EME1: variants seen among roughly 807,000 people sequenced by gnomAD.
EME1 encodes the protein structure-specific endonuclease subunit EME1.
EME1 carries 61 observed loss-of-function variants against 59.1 expected under a neutral mutation model. The ratio of observed to expected loss-of-function variants is 1.03; its 90% confidence interval spans 0.84 to 1.28. The LOEUF is 1.28. Ranked by LOEUF, EME1 falls within the 50% of genes most tolerant of loss-of-function variation. EME1 has a pLI of 0.00. For missense variants in EME1, 635 were observed against 682.6 expected (o/e 0.93, Z 0.78); for synonymous variants, 230 against 254.2 (o/e 0.90, Z 0.90).
intron 1 of EME1, among the ~76,000 whole-genome samples, chr17:50,373,773 C>T (rs1913283634): frequency 6.6e-6 from 1 of 152,102 alleles, no homozygotes; most frequent in Admixed American, 6.5e-5. Context: ...AACATACCCC[C>T]ACAAAAACTT....
chr17:50,375,938 AG>A lies in EME1; in HGVS notation c.732del (p.Arg244SerfsTer6), dbSNP rs781613632. 3.7e-6 allele frequency: 6 copies of A among 1,611,070 alleles called. 1 individual carries two copies. The highest frequency in any genetic ancestry group is 3.3e-5 in the South Asian group (3 of 90,814). ...AALVTRMKAQ[R>X]PEECLKHIIV... is the part of the protein sequence containing the mutation. ...ACTGGTTACCAGGATGAAAGCCCAG[AG>A]GCCAGAGGAATGCTTAAAACACATC... On this transcript the variant is annotated frameshift_variant, in exon 2 of 9. Coordinates refer to ENST00000338165, the MANE Select transcript of EME1 (RefSeq NM_152463.4). LOFTEE classifies it high-confidence loss of function.
intron 5 of EME1, 27 bp downstream of exon 5, chr17:50,378,922 G>T: frequency 6.2e-7 from 1 of 1,614,118 alleles, no homozygotes; most frequent in Non-Finnish European, 8.5e-7. Context: ...GTGATTTCAT[G>T]TTAAAAGGGG....
intron 3 of EME1, among the ~76,000 whole-genome samples, chr17:50,376,950 A>G (rs1474127683): frequency 1.3e-5 from 2 of 152,106 alleles, no homozygotes; most frequent in Non-Finnish European, 2.9e-5. Context: ...GGGTTTTGCC[A>G]TGTTGCCCAG....
rs776348150 is a variant in EME1, at chr17:50,380,817, C to G, written c.1591C>G (p.Gln531Glu). 6.2e-6 allele frequency: 10 copies of G among 1,614,116 alleles called. No homozygotes were observed. In the Admixed American group the frequency reaches 1.7e-4, roughly 27 times the overall value. ...ACGCCAGAATTTGCTCGCAGACATA[C>G]AGGTGCGCCGTGGGGAAGGTGTGAC... The part of the protein sequence containing the change: ...KERQNLLADI[Q>E]VRRGEGVTST... Residue 531 changes from glutamine (Q) to glutamate (E), a missense_variant, in exon 9 of 9, where the codon CAG becomes GAG. Physicochemically the swap from Gln to Glu is conservative, Grantham distance 29. Coordinates refer to ENST00000338165, the MANE Select transcript of EME1 (RefSeq NM_152463.4).
rs568424837 is a variant in EME1 at position 50,380,928 on chromosome 17, A to C, written c.1702A>C (p.Ser568Arg). Residue 568 changes from serine to arginine, a missense_variant, in exon 9 of 9, where the codon AGT becomes CGT. Transcript: ENST00000338165. ...TTLQPHLSLD[S>R]AD ...TTTACAGCCACATCTCTCTTTAGATAGTGCTGACTGATTCTAGCCCTCAGG... is the reference window on the plus strand; with the variant it reads ...TTTACAGCCACATCTCTCTTTAGATCGTGCTGACTGATTCTAGCCCTCAGG... The C allele has an allele frequency of 5.6e-6, 9 of 1,614,160 alleles. 1 individual carries two copies. In the South Asian group the frequency reaches 9.9e-5, roughly 18 times the overall value.
In EME1 at chr17:50,375,525, C is replaced by A. The variant is rs754099573; in HGVS notation, c.317C>A (p.Thr106Asn). ...LAQRLTCKFL[T>N]HKQLSPEDSS... ...CAAAGGCTTACATGTAAGTTTCTGA[C>A]CCACAAGCAACTGAGCCCTGAGGAC... Residue 106 changes from threonine (T) to asparagine (N), a missense_variant, in exon 2 of 9, where the codon ACC becomes AAC. Physicochemically the swap from Thr to Asn is moderately conservative, Grantham distance 65 (BLOSUM62 0). Coordinates refer to ENST00000338165, the MANE Select transcript of EME1 (RefSeq NM_152463.4). 61 of 1,613,610 alleles carry A rather than the reference C, an allele frequency of 3.8e-5. 1 individual carries two copies. The highest frequency in any genetic ancestry group is 1.7e-4 in the African/African-American group (13 of 74,842).
intron 1 of EME1, 134 bp downstream of exon 1, chr17:50,373,411 C>A: frequency 5.1e-6 from 3 of 587,248 alleles, no homozygotes; most frequent in Non-Finnish European, 3.0e-6. Flanking sequence ...CAGAGCTTGT[C>A]GGGCAGGGGC....
chr17:50,375,652 T>G lies in EME1; in HGVS notation c.444T>G (p.His148Gln). The change falls in exon 2 of 9, where the codon CAT becomes CAG. Residue 148 changes from histidine (H) to glutamine (Q), a missense_variant. By Grantham distance (24) the His-to-Gln change is conservative (BLOSUM62 0). Coordinates refer to ENST00000338165, the MANE Select transcript of EME1 (RefSeq NM_152463.4). ...CAAAGATCCCTGAAGTTCCCCTCCA[T>G]GATACCCCAGAGAGGAGTGCAGCAG... ...PFPKIPEVPL[H>Q]DTPERSAADN... 6.2e-7 allele frequency: 1 copy of G among 1,614,092 alleles called. No homozygotes were observed.
chr17:50,378,513 C>A, intron 3 of EME1, 82 bp from the exon 4 acceptor site: 2 of 1,367,046 alleles, frequency 1.5e-6, no homozygotes, highest in Non-Finnish European at 2.1e-6. Context: ...AGTTCATTCA[C>A]CCAGAAGACC....
Position 50,381,099 on chromosome 17 carries a change from G to C in EME1, c.*160G>C, listed in dbSNP as rs144150090. ...ATTATTTGTGAAGGTCTCTCTGCCT[G>C]TCGGCTGGGGCAGAGACTGAAATAC... On this transcript the variant is annotated 3_prime_UTR_variant, in exon 9 of 9. Coordinates refer to ENST00000338165, the MANE Select transcript of EME1 (RefSeq NM_152463.4). The C allele has an allele frequency of 3.3e-4, 256 of 768,394 alleles. 2 individuals carry two copies. In the African/African-American group the frequency reaches 4.1e-3, roughly 12 times the overall value. 47.6% of individuals were successfully genotyped at this position (768,394 alleles called of 1,614,324 possible).
At chr17:50,373,509 T>A (rs1375299676) in intron 1 of EME1, among the ~76,000 whole-genome samples, 4 of 152,244 alleles carry the variant, frequency 2.6e-5, no homozygotes, top group African/African-American at 9.6e-5. Flanking sequence ...TCATTCAACT[T>A]ACTCTACTTA....
At chr17:50,375,140 G>A (rs1913386468) in intron 1 of EME1, 45 bp from the exon 2 acceptor site, 1 of 1,487,340 alleles carries the variant, frequency 6.7e-7, no homozygotes, top group Non-Finnish European at 9.2e-7. Context: ...CTAGTGGACT[G>A]AATTGAATGC....
intron 1 of EME1, among the ~76,000 whole-genome samples, chr17:50,374,843 CAA>C (rs896140765): frequency 1.5e-5 from 2 of 134,866 alleles, no homozygotes; most frequent in African/African-American, 2.7e-5. Context: ...GACTCCATCT[CAA>C]AAAAAAAAAA....
chr17:50,380,667 T>C, intron 8 of EME1, 96 bp from the exon 9 acceptor site: 2 of 1,568,622 alleles, frequency 1.3e-6, no homozygotes, highest in African/African-American at 1.3e-5. Context: ...GGAGGACAGG[T>C]TCTCATGCCC....
Position 50,375,619 on chromosome 17 carries a change from G to GCAA in EME1, c.412_413insAAC (p.Lys137_Pro138insGln), listed in dbSNP as rs36080231. 1.2e-6 allele frequency: 2 copies of GCAA among 1,613,892 alleles called. No individual in the cohort carries two copies. Reference sequence around the variant, plus strand: ...AAGGTGCATCATGTGACTGGAAAAAGCCCTTTCCAAAGATCCCTGAAGTTC... The same window carrying GCAA: ...AAGGTGCATCATGTGACTGGAAAAAGCAACCCTTTCCAAAGATCCCTGAAGTTC... On this transcript the variant is annotated inframe_insertion, in exon 2 of 9. Transcript: ENST00000338165.
In EME1 at chr17:50,373,482, T is replaced by C. The variant is rs191349575; in HGVS notation, c.-25+205T>C. On this transcript the variant is annotated intron_variant, in intron 1 of 8. Transcript: ENST00000338165. ...CGGAGGCCCAGCGAAGGGTCAGAGA[T>C]GAGGCCCCCTCCCTAGTCATTCAAC... Among the ~76,000 whole-genome samples the C allele has an allele frequency of 6.6e-5, 10 of 152,376 alleles. No homozygotes were observed. In the East Asian group the frequency reaches 1.9e-3, roughly 29 times the overall value.
At position 50,379,530 on chromosome 17, in the gene EME1, T is replaced by C. The variant is rs992875402; in HGVS notation, c.1309T>C (p.Cys437Arg). The part of the protein sequence containing the change: ...QSWKELADFT[C>R]AFTKAVAEAP... ...CTGGAAAGAGCTGGCCGACTTCACA[T>C]GCGCATTCACAAAGGCTGTGGCTGA... The change falls in exon 7 of 9, where the codon TGC becomes CGC. Residue 437 changes from cysteine to arginine, a missense_variant. By Grantham distance (180) the Cys-to-Arg change is radical (BLOSUM62 -3). Transcript: ENST00000338165. 1.2e-6 allele frequency: 2 copies of C among 1,614,218 alleles called. No homozygotes were observed. Among genetic ancestry groups the C allele is most frequent in the Non-Finnish European group, 1.7e-6 (2 of 1,180,040 alleles).
chr17:50,380,883 ATC>A lies in EME1; in HGVS notation c.1659_1660del (p.Tyr554ProfsTer14). 6.2e-7 allele frequency: 1 copy of A among 1,614,192 alleles called. No individual in the cohort carries two copies. Among genetic ancestry groups the A allele is most frequent in the Non-Finnish European group, 8.5e-7 (1 of 1,180,018 alleles). On this transcript the variant is annotated frameshift_variant, in exon 9 of 9. Coordinates refer to ENST00000338165, the MANE Select transcript of EME1 (RefSeq NM_152463.4). LOFTEE classifies it high-confidence loss of function. ...RRIGPELSRR[I>X]YLQMTTLQPH... ...CATTGGACCAGAACTATCCAGGCGT[ATC>A]TACCTTCAGATGACCACTTTACAGC...
chr17:50,375,823 C>G lies in EME1; in HGVS notation c.615C>G (p.Val205=). The part of the protein sequence containing the change: ...PQKKTKPSQK[V]QGRGSHGCRQ... ...AGAAAACCAAGCCGAGTCAGAAGGT[C>G]CAGGGAAGAGGCTCACACGGATGCC... is the stretch of plus-strand genomic sequence containing the variant. Residue 205 remains valine, a synonymous_variant, in exon 2 of 9, where the codon GTC becomes GTG. Coordinates refer to ENST00000338165, the MANE Select transcript of EME1 (RefSeq NM_152463.4). 6.2e-7 allele frequency: 1 copy of G among 1,614,164 alleles called. No individual in the cohort carries two copies. The highest frequency in any genetic ancestry group is 2.2e-5 in the East Asian group (1 of 44,890).
Sources: gnomAD v4.1 joint callset for allele counts (sites outside exome capture counted in the v4.1 genomes callset) on GRCh38, gnomAD v4.1.1 for gene constraint, MANE v1.5 for transcripts, NCBI Gene and HGNC (gene_info 2026-07-23, HGNC 2026-07-21) for gene names.